Variants in PTPRD observed in about 807,000 individuals in gnomAD.
PTPRD encodes receptor-type tyrosine-protein phosphatase delta.
Under a neutral mutation model 214.5 loss-of-function variants are expected in PTPRD, and 34 were observed. The ratio of observed to expected loss-of-function variants is 0.16; its 90% CI spans 0.12 to 0.21. PTPRD has a LOEUF of 0.21. Ranked by LOEUF, PTPRD falls within the 10% of genes least tolerant of loss-of-function variation. PTPRD has a pLI of 1.00. For missense variants in PTPRD, 2,545 were observed against 2,398.7 expected (o/e 1.06, Z -1.27); for synonymous variants, 1,128 against 845.7 (o/e 1.33, Z -5.79).
At chr9:10,233,301 A>G (rs2099618134) in intron 3 of PTPRD, among the ~76,000 whole-genome samples, 1 of 151,942 alleles carries the variant, frequency 6.6e-6, no homozygotes, top group Admixed American at 6.6e-5. Context: ...GCATGCCAAC[A>G]TTTCAAATAA....
intron 5 of PTPRD, among the ~76,000 whole-genome samples, chr9:9,894,381 T>C (rs1399340313): frequency 2.6e-5 from 4 of 152,132 alleles, no homozygotes. Flanking sequence ...ATCTTTCTAC[T>C]ACCTCTCTCA....
intron 39 of PTPRD, among the ~76,000 whole-genome samples, chr9:8,349,094 A>C (rs1204238476): frequency 6.6e-6 from 1 of 152,188 alleles, no homozygotes; most frequent in Non-Finnish European, 1.5e-5. Context: ...GCCCTCTCCC[A>C]GATCAATAAC....
chr9:8,341,320 C>T (rs775531908), intron 40 of PTPRD, 52 bp from the exon 41 acceptor site: 2 of 1,523,632 alleles, frequency 1.3e-6, no homozygotes, highest in East Asian at 2.3e-5. Flanking sequence ...ATCATTTTCA[C>T]CTACAGTTTG....
chr9:9,794,574 G>C (rs1379640134), intron 5 of PTPRD, among the ~76,000 whole-genome samples: 10 of 151,994 alleles, frequency 6.6e-5, no homozygotes, highest in Admixed American at 6.6e-4. Flanking sequence ...GGAGAATTTA[G>C]ACTCTTTAAA....
chr9:9,335,937 T>C (rs967151446), intron 9 of PTPRD, among the ~76,000 whole-genome samples: 3 of 151,724 alleles, frequency 2.0e-5, no homozygotes, highest in Admixed American at 6.6e-5. Context: ...TTTCCAATAA[T>C]AGGAGAGATC....
intron 10 of PTPRD, among the ~76,000 whole-genome samples, chr9:9,119,137 T>C (rs945327889): frequency 6.6e-5 from 10 of 152,236 alleles, no homozygotes; most frequent in African/African-American, 2.4e-4. Context: ...TGCTGGGTTC[T>C]CTGCAGAAGT....
At chr9:9,557,262 C>T (rs1159013417) in intron 8 of PTPRD, among the ~76,000 whole-genome samples, 3 of 152,054 alleles carry the variant, frequency 2.0e-5, no homozygotes, top group Non-Finnish European at 4.4e-5. Flanking sequence ...CTAAATGTAG[C>T]CTCCTACCTT....
intron 11 of PTPRD, among the ~76,000 whole-genome samples, chr9:8,948,423 ATT>A (rs1308710064): frequency 7.4e-5 from 3 of 40,378 alleles, no homozygotes; most frequent in Non-Finnish European, 1.5e-4. Context: ...ATATATATAT[ATT>A]TATATATATA....
chr9:9,594,980 G>A (rs600409), intron 7 of PTPRD, among the ~76,000 whole-genome samples: 55,885 of 151,668 alleles, frequency 0.37, 10,713 homozygotes, highest in Non-Finnish European at 0.4. Context: ...CAAACATATG[G>A]AAAAATGCTC....
chr9:9,930,034 A>T (rs986203019), intron 5 of PTPRD, among the ~76,000 whole-genome samples: 1 of 152,204 alleles, frequency 6.6e-6, no homozygotes, highest in African/African-American at 2.4e-5. Context: ...AAACAAAACA[A>T]AACAAAACAC....
intron 22 of PTPRD, among the ~76,000 whole-genome samples, chr9:8,505,624 C>CA (rs954059567): frequency 0.091 from 4,999 of 55,152 alleles, 271 homozygotes; most frequent in Admixed American, 0.17. Flanking sequence ...GACTCTGTCT[C>CA]AAAAAAAAAA....
chr9:10,353,470 C>A (rs1414622874), intron 2 of PTPRD, among the ~76,000 whole-genome samples: 1 of 151,836 alleles, frequency 6.6e-6, no homozygotes, highest in Non-Finnish European at 1.5e-5. Context: ...TATTTTAATT[C>A]TAATATATTC....
chr9:9,445,033 G>A (rs990522531), intron 8 of PTPRD, among the ~76,000 whole-genome samples: 1 of 152,012 alleles, frequency 6.6e-6, no homozygotes, highest in African/African-American at 2.4e-5. Context: ...AAAAATGAGT[G>A]AGCAACAAAC....
intron 3 of PTPRD, among the ~76,000 whole-genome samples, chr9:10,228,255 A>C (rs543695439): frequency 6.6e-6 from 1 of 152,068 alleles, no homozygotes; most frequent in South Asian, 2.1e-4. Flanking sequence ...CCAACATTGA[A>C]CCTCAAGGAA....
intron 3 of PTPRD, among the ~76,000 whole-genome samples, chr9:10,149,688 A>C (rs2154276461): frequency 6.6e-6 from 1 of 151,992 alleles, no homozygotes; most frequent in South Asian, 2.1e-4. Context: ...AAAACTGTGG[A>C]CAATTCAAAT....
intron 27 of PTPRD, among the ~76,000 whole-genome samples, chr9:8,489,293 CA>C (rs1563768436): frequency 1.1e-4 from 16 of 152,074 alleles, no homozygotes. Flanking sequence ...TATCCTGGGA[CA>C]GAAAGGCTTG....
At chr9:9,547,423 G>T (rs920168705) in intron 8 of PTPRD, among the ~76,000 whole-genome samples, 8 of 151,908 alleles carry the variant, frequency 5.3e-5, no homozygotes, top group African/African-American at 1.9e-4. Flanking sequence ...TTTTTGTTTG[G>T]TTCTCAGAGC....
chr9:8,848,313 CTT>C (rs371491854), intron 11 of PTPRD, among the ~76,000 whole-genome samples: 26,491 of 132,364 alleles, frequency 0.2, 3,122 homozygotes, highest in South Asian at 0.33. Context: ...AAGATTTTTC[CTT>C]TTTTTTTTTT....
chr9:9,827,041 A>G (rs1001451864), intron 5 of PTPRD, among the ~76,000 whole-genome samples: 4 of 152,132 alleles, frequency 2.6e-5, no homozygotes, highest in Admixed American at 1.3e-4. Context: ...ATGCTCATGG[A>G]TAAGAAGAAT....
Sources: allele counts gnomAD v4.1 joint callset (sites outside exome capture counted in the v4.1 genomes callset), GRCh38; gene constraint gnomAD v4.1.1; transcripts MANE v1.5; gene names NCBI Gene and HGNC (gene_info 2026-07-23, HGNC 2026-07-21).